The following TBC1D5 variants were observed in gnomAD, a reference collection of about 807,000 sequenced individuals.
TBC1D5 encodes TBC1 domain family member 5, also known as TBC1 domain family, member 5.
Under a neutral mutation model 100.3 loss-of-function variants are expected in TBC1D5, and 75 were observed. The observed-to-expected ratio is 0.75, with a 90% CI of 0.62 to 0.91. The LOEUF is 0.91. Ranked by LOEUF, TBC1D5 falls within the 40% of genes least tolerant of loss-of-function variation. The pLI is 0.00. For synonymous variants in TBC1D5, 323 were observed against 325.6 expected (o/e 0.99, Z 0.09); for missense variants, 910 against 942.4 (o/e 0.97, Z 0.45).
At chr3:17,436,830 A>G (rs1317359346) in intron 3 of TBC1D5, among the ~76,000 whole-genome samples, 1 of 152,240 alleles carries the variant, frequency 6.6e-6, no homozygotes, top group Non-Finnish European at 1.5e-5. Context: ...AATAACAGAT[A>G]AAACAAGCTA....
intron 2 of TBC1D5, among the ~76,000 whole-genome samples, chr3:17,591,153 G>T (rs185967684): frequency 1.4e-5 from 2 of 141,740 alleles, no homozygotes; most frequent in African/African-American, 2.6e-5. Context: ...GGAGAATGGC[G>T]TGAACCCAGG....
At chr3:17,237,334 C>T (rs550069957) in intron 17 of TBC1D5, among the ~76,000 whole-genome samples, 6 of 152,276 alleles carry the variant, frequency 3.9e-5, no homozygotes, top group Admixed American at 2.6e-4. Context: ...ATAAATGTAG[C>T]TGTTTCCAAT....
At chr3:17,563,334 C>G (rs1005609019) in intron 2 of TBC1D5, among the ~76,000 whole-genome samples, 6 of 152,096 alleles carry the variant, frequency 3.9e-5, no homozygotes, top group Non-Finnish European at 8.8e-5. Context: ...ACTTGGGAGT[C>G]TTGCATACAA....
intron 4 of TBC1D5, among the ~76,000 whole-genome samples, chr3:17,416,179 T>C (rs1199586092): frequency 6.6e-6 from 1 of 152,196 alleles, no homozygotes; most frequent in Non-Finnish European, 1.5e-5. Flanking sequence ...TCAATTATAT[T>C]TTAACTGAAT....
chr3:17,700,590 A>G (rs1249308572), intron 1 of TBC1D5, among the ~76,000 whole-genome samples: 5 of 152,272 alleles, frequency 3.3e-5, no homozygotes, highest in East Asian at 1.9e-4. Flanking sequence ...TCTGACAAAG[A>G]GCTAATATCC....
intron 17 of TBC1D5, among the ~76,000 whole-genome samples, chr3:17,221,225 G>A (rs1460256047): frequency 1.3e-5 from 2 of 151,902 alleles, no homozygotes; most frequent in African/African-American, 2.4e-5. Flanking sequence ...ATGTTGAGAT[G>A]GAGAGAGTAT....
intron 4 of TBC1D5, among the ~76,000 whole-genome samples, chr3:17,411,948 T>C (rs1441141685): frequency 1.3e-5 from 2 of 152,184 alleles, no homozygotes; most frequent in East Asian, 3.8e-4. Context: ...AAAGGCCACA[T>C]AATAATATAT....
chr3:17,321,999 G>A (rs982113841), intron 13 of TBC1D5, among the ~76,000 whole-genome samples: 9 of 152,212 alleles, frequency 5.9e-5, no homozygotes, highest in African/African-American at 2.2e-4. Context: ...AATTACGAGA[G>A]GTACAAGTAG....
chr3:17,448,843 A>T (rs1395180667), intron 3 of TBC1D5, among the ~76,000 whole-genome samples: 1 of 152,206 alleles, frequency 6.6e-6, no homozygotes, highest in East Asian at 1.9e-4. Context: ...GCTTTAACTA[A>T]ATATCACCAA....
intron 15 of TBC1D5, among the ~76,000 whole-genome samples, chr3:17,269,586 T>C (rs2079176810): frequency 6.6e-6 from 1 of 152,120 alleles, no homozygotes; most frequent in South Asian, 2.1e-4. Context: ...TTAATCCCAT[T>C]ACCCAGATGG....
intron 1 of TBC1D5, among the ~76,000 whole-genome samples, chr3:17,733,094 C>A (rs1376149538): frequency 6.6e-6 from 1 of 152,114 alleles, no homozygotes; most frequent in Non-Finnish European, 1.5e-5. Flanking sequence ...GCCAGAAAAT[C>A]AGTAAGAGGG....
At chr3:17,494,638 C>T (rs941363363) in intron 3 of TBC1D5, among the ~76,000 whole-genome samples, 2 of 152,210 alleles carry the variant, frequency 1.3e-5, no homozygotes, top group African/African-American at 4.8e-5. Context: ...GGTAGCTCCG[C>T]AGGGAAAGCA....
chr3:17,289,149 G>T (rs1459473989), intron 15 of TBC1D5, among the ~76,000 whole-genome samples: 1 of 152,172 alleles, frequency 6.6e-6, no homozygotes. Flanking sequence ...TGCAAGCCCC[G>T]CATGGAGTCT....
At chr3:17,160,714 G>C in exon 22 of TBC1D5, 1 of 500,324 alleles carries the variant, frequency 2.0e-6, no homozygotes. Context: ...CTCTAACTCA[G>C]AGCAAGAGTC....
chr3:17,597,055 T>A (rs2060619996), intron 2 of TBC1D5, among the ~76,000 whole-genome samples: 1 of 152,218 alleles, frequency 6.6e-6, no homozygotes, highest in African/African-American at 2.4e-5. Context: ...TTTGAAATTT[T>A]AAGATGATAT....
In TBC1D5 at chr3:17,470,413, C is replaced by T. The variant is rs76601619; in HGVS notation, c.97+38061G>A. Among the ~76,000 whole-genome samples the T allele has an allele frequency of 3.5e-3, 533 of 152,122 alleles. 3 individuals carry two copies. Among genetic ancestry groups the T allele is most frequent in the African/African-American group, 0.012 (518 of 41,492 alleles). ...ACACTATATGCAAAGTATAACAATA[C>T]AATTAGTGGTGGTATCAGGAGAGAA... On this transcript the variant is annotated intron_variant, in intron 3 of 21. Transcript: ENST00000253692.
chr3:17,728,661 T>C (rs900300231), intron 1 of TBC1D5, among the ~76,000 whole-genome samples: 2 of 152,144 alleles, frequency 1.3e-5, no homozygotes, highest in African/African-American at 4.8e-5. Context: ...GCTACAAAAG[T>C]TGTCGAGCCA....
chr3:17,202,018 CAGAAGAAGACA>C (rs1027006494), intron 18 of TBC1D5, among the ~76,000 whole-genome samples: 1 of 152,058 alleles, frequency 6.6e-6, no homozygotes, highest in African/African-American at 2.4e-5. Context: ...TTGGAGAGCT[CAGAAGAAGACA>C]GGAAGATGAG....
chr3:17,719,900 T>C (rs1472933405), intron 1 of TBC1D5, among the ~76,000 whole-genome samples: 3 of 152,182 alleles, frequency 2.0e-5, no homozygotes, highest in African/African-American at 7.2e-5. Context: ...TTTTTACTAA[T>C]GCAAAATATA....
Sources: gnomAD v4.1 joint callset for allele counts (sites outside exome capture counted in the v4.1 genomes callset) on GRCh38, gnomAD v4.1.1 for gene constraint, MANE v1.5 for transcripts, NCBI Gene and HGNC (gene_info 2026-07-23, HGNC 2026-07-21) for gene names.